Variants in SYNE2 observed in about 807,000 individuals in gnomAD.
SYNE2 encodes spectrin repeat containing nuclear envelope protein 2, also known as nesprin-2.
A neutral mutation model predicts 856.3 loss-of-function variants in SYNE2; 431 were observed. That is an observed-to-expected ratio of 0.50 (90% CI 0.47 to 0.55). The LOEUF (loss-of-function observed/expected upper bound fraction) is 0.55. SYNE2 is among the 20% of genes least tolerant of loss of function. The pLI, the probability that SYNE2 is intolerant of heterozygous loss-of-function variation, is 0.00. For synonymous variants in SYNE2, 2,923 were observed against 2,872.3 expected, an observed-to-expected ratio of 1.02 and a Z score of -0.56; for missense variants, 8,129 against 8,023.2, an observed-to-expected ratio of 1.01 and a Z score of -0.50.
chr14:64,021,521 A>T lies in SYNE2; in HGVS notation c.5352+6A>T. ...AGATCTTCACTAAACTAGAGGTGCT[A>T]CCGAGCTGCTTGTCTTCTGTGGTTC... On this transcript the variant is annotated splice_donor_region_variant and intron_variant, in intron 36 of 115. Coordinates refer to ENST00000555002, the MANE Select transcript of SYNE2 (RefSeq NM_182914.3). The T allele has an allele frequency of 6.2e-7, 1 of 1,613,988 alleles. No individual in the cohort carries two copies. The highest frequency in any genetic ancestry group is 8.5e-7 in the Non-Finnish European group (1 of 1,179,952).
intron 63 of SYNE2, 147 bp from the exon 64 acceptor site, chr14:64,101,785 A>T (rs1488556191): frequency 9.1e-6 from 6 of 659,150 alleles, no homozygotes; most frequent in Non-Finnish European, 1.4e-5. Context: ...AAATACAGAT[A>T]AAAAAATGGG....
At chr14:63,867,056 C>T (rs1013821694) in intron 1 of SYNE2, among the ~76,000 whole-genome samples, 2 of 152,188 alleles carry the variant, frequency 1.3e-5, no homozygotes, top group African/African-American at 4.8e-5. Flanking sequence ...AAGCCTATAA[C>T]ACAGAAACCA....
At chr14:63,933,560 C>CA in intron 2 of SYNE2, among the ~76,000 whole-genome samples, 1 of 152,140 alleles carries the variant, frequency 6.6e-6, no homozygotes, top group East Asian at 1.9e-4. Flanking sequence ...CAAATTCAGG[C>CA]AAATATTTTT....
At chr14:64,219,150 G>A in intron 109 of SYNE2, 58 bp from the exon 110 acceptor site, 1 of 1,355,250 alleles carries the variant, frequency 7.4e-7, no homozygotes, top group Non-Finnish European at 1.0e-6. Context: ...TAATTAGCTG[G>A]AGGCAGAGAA....
chr14:64,082,175 T>C (rs879331923), intron 57 of SYNE2, among the ~76,000 whole-genome samples: 39 of 152,128 alleles, frequency 2.6e-4, no homozygotes, highest in Non-Finnish European at 5.4e-4. Flanking sequence ...TCCTCTGGTG[T>C]ATATGACCTG....
rs1317412960 is a variant in SYNE2, at chr14:64,220,652, C to CAGCCCGCCTCCCAG, written c.20061+20_20061+33dup. ...TGCAGTGCCAGGTACGCTGACTCAG[C>CAGCCCGCCTCCCAG]AGCCCGCCTCCCAGAGCCGGTACCC... is the stretch of plus-strand genomic sequence containing the variant. On this transcript the variant is annotated intron_variant, in intron 111 of 115. Transcript: ENST00000555002. 6.2e-7 allele frequency: 1 copy of CAGCCCGCCTCCCAG among 1,612,600 alleles called. No individual in the cohort carries two copies. The highest frequency in any genetic ancestry group is 1.7e-5 in the Admixed American group (1 of 59,966).
At chr14:64,058,207 C>T (rs1336617527) in intron 49 of SYNE2, among the ~76,000 whole-genome samples, 1 of 152,164 alleles carries the variant, frequency 6.6e-6, no homozygotes, top group Non-Finnish European at 1.5e-5. Context: ...GTCTGGTGTC[C>T]TAGAGAGTTT....
At chr14:63,952,596 G>A (rs964619077) in intron 7 of SYNE2, among the ~76,000 whole-genome samples, 1 of 152,084 alleles carries the variant, frequency 6.6e-6, no homozygotes, top group African/African-American at 2.4e-5. Flanking sequence ...ATCTCTTTGT[G>A]TTCCAATTTC....
intron 84 of SYNE2, among the ~76,000 whole-genome samples, chr14:64,146,853 C>T (rs1830412046): frequency 6.6e-6 from 1 of 152,264 alleles, no homozygotes; most frequent in Non-Finnish European, 1.5e-5. Context: ...TGTTTCTGCA[C>T]TTCCTGCGTG....
intron 81 of SYNE2, 139 bp from the exon 82 acceptor site, chr14:64,141,803 G>A: frequency 2.0e-6 from 2 of 989,800 alleles, no homozygotes; most frequent in South Asian, 3.0e-5. Flanking sequence ...AAGTTTGAAT[G>A]CTGGGTTTGT....
intron 1 of SYNE2, among the ~76,000 whole-genome samples, chr14:63,868,021 G>A (rs2140315724): frequency 6.6e-6 from 1 of 152,206 alleles, no homozygotes; most frequent in East Asian, 1.9e-4. Context: ...CTGCACTCTA[G>A]CATGGACTAC....
At chr14:64,178,067 C>T (rs2098442615) in intron 96 of SYNE2, among the ~76,000 whole-genome samples, 1 of 152,308 alleles carries the variant, frequency 6.6e-6, no homozygotes, top group Middle Eastern at 3.4e-3. Context: ...TTTCTGTCTG[C>T]AGCTTTGATG....
At chr14:63,802,771 C>G (rs938346129) in intron 1 of SYNE2, among the ~76,000 whole-genome samples, 1 of 152,060 alleles carries the variant, frequency 6.6e-6, no homozygotes, top group Admixed American at 6.6e-5. Flanking sequence ...TTCGTGGTCT[C>G]GCTGGCTCAG....
chr14:64,045,287 TTACTGTTGTGTAACAGTAGTCCTCAGG>T (rs1391523094), intron 45 of SYNE2, among the ~76,000 whole-genome samples: 1 of 152,184 alleles, frequency 6.6e-6, no homozygotes, highest in African/African-American at 2.4e-5. Flanking sequence ...AAATAATGCT[TTACTGTTGTGTAACAGTAGTCCTCAGG>T]TACTGGATCA....
chr14:64,150,989 G>T (rs1042978175), intron 84 of SYNE2, among the ~76,000 whole-genome samples: 1 of 152,132 alleles, frequency 6.6e-6, no homozygotes, highest in African/African-American at 2.4e-5. Flanking sequence ...TGGGTGGATT[G>T]TTACGACAGT....
At position 64,052,999 on chromosome 14, in the gene SYNE2, A is replaced by C; in HGVS notation, c.9086A>C (p.Lys3029Thr). 6.2e-7 allele frequency: 1 copy of C among 1,611,606 alleles called. No individual in the cohort carries two copies. The highest frequency in any genetic ancestry group is 8.5e-7 in the Non-Finnish European group (1 of 1,179,560). Residue 3029 changes from lysine (K) to threonine (T), a missense_variant, in exon 48 of 116, where the codon AAG becomes ACG. Physicochemically the swap from Lys to Thr is moderately conservative, Grantham distance 78. Transcript: ENST00000555002. The part of the protein sequence containing the change: ...QLQTQVFEKE[K>T]ELEEKIKQLD... ...CAAACCCAAGTATTTGAAAAAGAAA[A>C]GGAACTTGAAGAAAAAATTAAGCAG...
chr14:64,110,588 A>ACCCCCCCCCCCCC (rs11315645), intron 65 of SYNE2, among the ~76,000 whole-genome samples: 3 of 75,388 alleles, frequency 4.0e-5, no homozygotes, highest in Admixed American at 1.6e-4. Flanking sequence ...TACTTTTTAC[A>ACCCCCCCCCCCCC]CCCCCCCCCC....
chr14:63,775,196 A>G (rs4902244), intron 1 of SYNE2, among the ~76,000 whole-genome samples: 28,852 of 151,782 alleles, frequency 0.19, 2,952 homozygotes, highest in African/African-American at 0.27. Flanking sequence ...GGCTGGACTC[A>G]AACTCCTGAC....
At chr14:64,016,430 C>T in intron 32 of SYNE2, 43 bp from the exon 33 acceptor site, 2 of 1,333,690 alleles carry the variant, frequency 1.5e-6, no homozygotes, top group Non-Finnish European at 2.1e-6. Flanking sequence ...AGCTGTTTGT[C>T]TATATCAAAA....
Sources: allele counts gnomAD v4.1 joint callset (sites outside exome capture counted in the v4.1 genomes callset), GRCh38; gene constraint gnomAD v4.1.1; transcripts MANE v1.5; gene names NCBI Gene and HGNC (gene_info 2026-07-23, HGNC 2026-07-21).